Variants in DCAF1 observed in about 807,000 individuals in gnomAD.
DCAF1 encodes DDB1- and CUL4-associated factor 1.
In DCAF1, 15 loss-of-function variants were observed where a neutral mutation model predicts 128.0. That is an observed-to-expected ratio of 0.12 (90% CI 0.08 to 0.18). The LOEUF is 0.18. DCAF1 is among the 10% of genes least tolerant of loss of function. DCAF1 has a pLI of 1.00. For missense variants in DCAF1, 988 were observed against 1,649.5 expected (o/e 0.60, Z 6.95); for synonymous variants, 610 against 603.0 (o/e 1.01, Z -0.17).
In DCAF1 at chr3:51,398,638, T is replaced by C. The variant is rs2089400224; in HGVS notation, c.*131A>G. The C allele has an allele frequency of 2.0e-5, 25 of 1,247,942 alleles. No homozygotes were observed. The highest frequency in any genetic ancestry group is 2.8e-5 in the Non-Finnish European group (25 of 905,682). The allele number at this position is 1,247,942 out of a possible 1,614,324, so 77.3% of individuals were successfully genotyped here. ...GCCAATGAGGCTCTCTAAGCCATAATCTTCTGAATGCAGGGCATGCAGCTC... is the reference window on the plus strand; with the variant it reads ...GCCAATGAGGCTCTCTAAGCCATAACCTTCTGAATGCAGGGCATGCAGCTC... On this transcript the variant is annotated 3_prime_UTR_variant, in exon 25 of 25. Transcript: ENST00000684031.
At chr3:51,406,445 T>A (rs1286129631) in intron 23 of DCAF1, among the ~76,000 whole-genome samples, 1 of 151,930 alleles carries the variant, frequency 6.6e-6, no homozygotes, top group African/African-American at 2.4e-5. Flanking sequence ...TTTTTTTTTT[T>A]AATTCTCTAA....
chr3:51,480,657 G>C (rs1396788559), intron 3 of DCAF1, among the ~76,000 whole-genome samples: 1 of 149,734 alleles, frequency 6.7e-6, no homozygotes, highest in Non-Finnish European at 1.5e-5. Flanking sequence ...CTATGAGGGA[G>C]AAAAAAGAGG....
intron 2 of DCAF1, among the ~76,000 whole-genome samples, chr3:51,485,114 C>T (rs559728140): frequency 6.6e-6 from 1 of 152,180 alleles, no homozygotes; most frequent in African/African-American, 2.4e-5. Context: ...AGGGTTTCAC[C>T]ATGTTGGTCA....
chr3:51,483,782 G>T lies in DCAF1; in HGVS notation c.47C>A (p.Thr16Asn), dbSNP rs1553654041. The T allele has an allele frequency of 1.2e-6, 2 of 1,613,880 alleles. No individual in the cohort carries two copies. The highest frequency in any genetic ancestry group is 3.3e-5 in the Admixed American group (2 of 59,978). Residue 16 changes from threonine to asparagine, a missense_variant, in exon 3 of 25, where the codon ACC (threonine) becomes AAC (asparagine). Around this residue, in one of 11 missense-constraint regions of DCAF1, gnomAD observed 48 missense variants for 52.6 expected, o/e 0.91. Transcript: ENST00000684031. ...VHVDSKAELT[T>N]LLEQWEKEHG... ...TTCCTTTTCCCACTGCTCCAGCAGG[G>T]TAGTGAGCTCAGCTTTGGAGTCCAC...
chr3:51,501,253 A>G (rs1708793141), upstream of DCAF1, among the ~76,000 whole-genome samples: 1 of 152,146 alleles, frequency 6.6e-6, no homozygotes, highest in Non-Finnish European at 1.5e-5. Context: ...CACTTAATTC[A>G]ATTTCTTCAT....
chr3:51,418,062 G>T (rs1215872331), intron 17 of DCAF1, 54 bp downstream of exon 17: 23 of 1,558,368 alleles, frequency 1.5e-5, no homozygotes, highest in Non-Finnish European at 1.9e-5. Flanking sequence ...AAATGAAGGG[G>T]GGTATAAACT....
chr3:51,473,260 C>T (rs1553649048), intron 3 of DCAF1, among the ~76,000 whole-genome samples: 1 of 145,982 alleles, frequency 6.9e-6, no homozygotes, highest in South Asian at 2.1e-4. Flanking sequence ...AAAACTCTAT[C>T]TCAAAAAAAA....
chr3:51,474,846 G>A lies in DCAF1; in HGVS notation c.111-3841C>T, dbSNP rs565735600. Among the ~76,000 whole-genome samples, 20 of 149,004 alleles carry A rather than the reference G, an allele frequency of 1.3e-4. No individual in the cohort carries two copies. The South Asian group carries it at 3.4e-3, about 26-fold the overall frequency. On this transcript the variant is annotated intron_variant, in intron 3 of 24. Transcript: ENST00000684031. Reference sequence around the variant, plus strand: ...GTCGCCCAGGCTGGAGTACAGTGGCGCAATCTCAGCTCACTGCAACCTCCG... The same window carrying A: ...GTCGCCCAGGCTGGAGTACAGTGGCACAATCTCAGCTCACTGCAACCTCCG...
At chr3:51,451,518 T>G (rs114089189) in intron 6 of DCAF1, among the ~76,000 whole-genome samples, 2 of 152,140 alleles carry the variant, frequency 1.3e-5, no homozygotes, top group African/African-American at 4.8e-5. Context: ...CCCAGCACTA[T>G]GGGAGGCCAA....
At chr3:51,428,516 G>A (rs1205925859) in intron 12 of DCAF1, among the ~76,000 whole-genome samples, 4 of 151,610 alleles carry the variant, frequency 2.6e-5, no homozygotes, top group Non-Finnish European at 4.4e-5. Context: ...GTAAAGACAG[G>A]GTCTCACTAT....
Position 51,420,109 on chromosome 3 carries a change from A to G in DCAF1, c.2861T>C (p.Ile954Thr), listed in dbSNP as rs781956483. Residue 954 changes from isoleucine to threonine, a missense_variant, in exon 15 of 25, where the codon ATT (isoleucine) becomes ACT (threonine). Ile to Thr is a moderately conservative substitution (Grantham distance 89, BLOSUM62 -1). This residue lies in a region of DCAF1 where 88 missense variants were observed against 107.7 expected (regional missense o/e 0.82). Transcript: ENST00000684031. The surrounding 1 kb of genome is among the most constrained non-coding windows in gnomAD (Gnocchi z 6.5). ...CTCTCTGATAAAACTGATTCTACCA[A>G]TCAAAGGGGAGTTGCCTGCATAAGA... ...GPSYAGNSPL[I>T]GRISFIRERP... is the part of the protein sequence containing the mutation. The G allele has an allele frequency of 2.5e-6, 4 of 1,613,916 alleles. No individual in the cohort carries two copies. Among genetic ancestry groups the G allele is most frequent in the African/African-American group, 1.3e-5 (1 of 75,016 alleles).
At chr3:51,471,309 G>A (rs879951747) in intron 3 of DCAF1, among the ~76,000 whole-genome samples, 7 of 150,318 alleles carry the variant, frequency 4.7e-5, no homozygotes, top group Admixed American at 2.0e-4. Flanking sequence ...TCAGTATCCC[G>A]CACAGCTGGG....
At chr3:51,497,205 G>C (rs987794698) in intron 1 of DCAF1, among the ~76,000 whole-genome samples, 15 of 152,190 alleles carry the variant, frequency 9.9e-5, no homozygotes, top group Non-Finnish European at 2.1e-4. Context: ...TGAGGCATGA[G>C]AATCGCTTGA....
At chr3:51,399,086 C>A (rs781915567) in intron 24 of DCAF1, among the ~76,000 whole-genome samples, 9 of 152,250 alleles carry the variant, frequency 5.9e-5, no homozygotes, top group Non-Finnish European at 1.0e-4. Flanking sequence ...CTGGGAGGCG[C>A]TGAAGGGATC....
rs571757381 is a variant in DCAF1 at position 51,416,665 on chromosome 3, A to G, written c.3603+122T>C. 90 of 1,372,244 alleles carry G rather than the reference A, an allele frequency of 6.6e-5. No individual in the cohort carries two copies. The African/African-American group carries it at 8.9e-4, about 14-fold the overall frequency. The allele number at this position is 1,372,244 out of a possible 1,614,324, so 85.0% of individuals were successfully genotyped here. A position where few individuals can be genotyped will look rare whatever the true frequency, so the allele number is the denominator to read the frequency against. On this transcript the variant is annotated intron_variant, in intron 18 of 24. Transcript: ENST00000684031. ...ATTATCATACTTTTAGATTCTAACTAGAAGGAATATCACTGATTTCTAGTT... is the reference window on the plus strand; with the variant it reads ...ATTATCATACTTTTAGATTCTAACTGGAAGGAATATCACTGATTTCTAGTT...
At chr3:51,410,039 T>C (rs1698257432) in intron 23 of DCAF1, among the ~76,000 whole-genome samples, 1 of 152,192 alleles carries the variant, frequency 6.6e-6, no homozygotes, top group Admixed American at 6.5e-5. Context: ...CTGGCTCCTC[T>C]CACCCATGAA....
chr3:51,497,010 G>A (rs1309301915), intron 1 of DCAF1, among the ~76,000 whole-genome samples: 5 of 152,148 alleles, frequency 3.3e-5, no homozygotes, highest in Non-Finnish European at 7.3e-5. Context: ...ATTAACAACT[G>A]TTTGCCAGGC....
chr3:51,452,659 G>A (rs1702469712), intron 6 of DCAF1, among the ~76,000 whole-genome samples: 1 of 152,108 alleles, frequency 6.6e-6, no homozygotes. Flanking sequence ...AAACTATAAA[G>A]AACCAGAGAT....
At chr3:51,490,502 AT>A (rs1707507224) in intron 2 of DCAF1, among the ~76,000 whole-genome samples, 2 of 152,228 alleles carry the variant, frequency 1.3e-5, no homozygotes, top group Non-Finnish European at 2.9e-5. Context: ...GAGTCAATTC[AT>A]GATGACCTAA....
Sources: gnomAD v4.1 joint callset for allele counts (sites outside exome capture counted in the v4.1 genomes callset) on GRCh38, gnomAD v4.1.1 for gene constraint, gnomAD v4.1.1 regional missense constraint, Gnocchi (gnomAD v3.1) non-coding constraint, MANE v1.5 for transcripts, NCBI Gene and HGNC (gene_info 2026-07-23, HGNC 2026-07-21) for gene names.